Variants in DNAJA4 observed in about 807,000 individuals in gnomAD.
DNAJA4 encodes the protein DnaJ heat shock protein family (Hsp40) member A4.
Under a neutral mutation model 39.7 loss-of-function variants are expected in DNAJA4, and 32 were observed. That is an observed-to-expected ratio of 0.81 (90% CI 0.61 to 1.08). The LOEUF (loss-of-function observed/expected upper bound fraction) is 1.08. Among genes scored for constraint, DNAJA4 ranks in the 50% least tolerant of loss-of-function variants. The pLI is 0.00. For missense variants in DNAJA4, 439 were observed against 505.1 expected (o/e 0.87, Z 1.25); for synonymous variants, 184 against 182.4 (o/e 1.01, Z -0.07).
intron 4 of DNAJA4, 192 bp from the exon 5 acceptor site, chr15:78,275,306 A>T (rs2049421241): frequency 1.7e-6 from 1 of 579,860 alleles, no homozygotes; most frequent in African/African-American, 1.9e-5. Flanking sequence ...TTGGCCCCAC[A>T]TTATGCCAAG....
intron 1 of DNAJA4, among the ~76,000 whole-genome samples, chr15:78,268,788 C>A (rs1229819159): frequency 6.6e-6 from 1 of 152,192 alleles, no homozygotes; most frequent in African/African-American, 2.4e-5. Context: ...CAGCAGTGGA[C>A]AAAACCCCCC....
At chr15:78,264,522 G>A, upstream of DNAJA4, 2 of 1,235,028 alleles carry the variant, frequency 1.6e-6, no homozygotes, top group Non-Finnish European at 2.0e-6. Flanking sequence ...AGCTTCCGCC[G>A]GCGCCGAATA....
At position 78,273,131 on chromosome 15, in the gene DNAJA4, A is replaced by G; in HGVS notation, c.350A>G (p.Glu117Gly). Residue 117 changes from glutamate (E) to glycine (G), a missense_variant, in exon 3 of 7, where the codon GAA (glutamate) becomes GGA (glycine). Physicochemically the swap from Glu to Gly is moderately conservative, Grantham distance 98. Coordinates refer to ENST00000394852, the MANE Select transcript of DNAJA4 (RefSeq NM_001130182.2). The stretch of plus-strand genomic sequence containing the variant: ...GTACACCAGTTATCTGTAACTCTTG[A>G]AGATCTATATAATGGAGTCACGAAG... ...NVVHQLSVTL[E>G]DLYNGVTKKL... is the part of the protein sequence containing the mutation. 1 of 1,605,470 alleles carries G rather than the reference A, an allele frequency of 6.2e-7. No homozygotes were observed. Among genetic ancestry groups the G allele is most frequent in the Non-Finnish European group, 8.5e-7 (1 of 1,173,420 alleles).
chr15:78,266,705 T>C (rs2049132774), intron 1 of DNAJA4, among the ~76,000 whole-genome samples: 1 of 152,228 alleles, frequency 6.6e-6, no homozygotes, highest in African/African-American at 2.4e-5. Flanking sequence ...GATTACTTGT[T>C]TGATTAACTG....
chr15:78,273,981 A>C (rs897706236), intron 3 of DNAJA4, among the ~76,000 whole-genome samples: 2 of 152,224 alleles, frequency 1.3e-5, no homozygotes, highest in African/African-American at 2.4e-5. Context: ...TGGTGCAGCC[A>C]AAATCACAAA....
intron 5 of DNAJA4, chr15:78,277,998 T>C (rs1158702229): frequency 4.4e-6 from 2 of 454,992 alleles, no homozygotes; most frequent in African/African-American, 2.0e-5. Flanking sequence ...GGCTTATTTC[T>C]TGTTTCTCCA....
In DNAJA4 at chr15:78,280,607, C is replaced by CT; in HGVS notation, c.*151dup. On this transcript the variant is annotated 3_prime_UTR_variant, in exon 7 of 7. Transcript: ENST00000394852. ...TCTTAATTGCTGAGTGTCTTTTTGG[C>CT]TTTTCTTTTGGTTGTAACTTAAGTT... is the stretch of plus-strand genomic sequence containing the variant. 1 of 673,640 alleles carries CT rather than the reference C, an allele frequency of 1.5e-6. No homozygotes were observed. Among genetic ancestry groups the CT allele is most frequent in the South Asian group, 2.3e-5 (1 of 44,286 alleles). 41.7% of individuals were successfully genotyped at this position (673,640 alleles called of 1,614,324 possible).
At chr15:78,275,872 G>T in intron 5 of DNAJA4, 144 bp downstream of exon 5, 1 of 635,322 alleles carries the variant, frequency 1.6e-6, no homozygotes, top group African/African-American at 1.8e-5. Context: ...CATAAAATGG[G>T]TAATGATCAA....
intron 2 of DNAJA4, among the ~76,000 whole-genome samples, chr15:78,271,419 C>T (rs566082769): frequency 6.6e-6 from 1 of 152,272 alleles, no homozygotes; most frequent in Non-Finnish European, 1.5e-5. Flanking sequence ...GCGTGGGCTG[C>T]AGGCTCTCTA....
At chr15:78,278,674 C>T (rs1228695770) in intron 5 of DNAJA4, among the ~76,000 whole-genome samples, 3 of 151,636 alleles carry the variant, frequency 2.0e-5, no homozygotes, top group Non-Finnish European at 2.9e-5. Flanking sequence ...TTTTTTGAGA[C>T]GGAGTCTCGC....
chr15:78,265,280 T>C (rs2049090383), intron 1 of DNAJA4, among the ~76,000 whole-genome samples: 1 of 152,218 alleles, frequency 6.6e-6, no homozygotes, highest in Admixed American at 6.5e-5. Context: ...ACACAAACAG[T>C]TGTTTACTTG....
chr15:78,274,028 G>C (rs1057428496), intron 3 of DNAJA4, among the ~76,000 whole-genome samples, 169 bp from the exon 4 acceptor site: 1 of 152,224 alleles, frequency 6.6e-6, no homozygotes, highest in Non-Finnish European at 1.5e-5. Flanking sequence ...GATGTTGTCT[G>C]CTTGGCTGGA....
chr15:78,278,269 G>A (rs923648475), intron 5 of DNAJA4: 5 of 455,964 alleles, frequency 1.1e-5, no homozygotes, highest in African/African-American at 1.0e-4. Context: ...AGAAGCATGG[G>A]GAGTAGGGCT....
At position 78,279,569 on chromosome 15, in the gene DNAJA4, G is replaced by A. The variant is rs2049592712; in HGVS notation, c.878-476G>A. 2 of 164,528 alleles carry A rather than the reference G, an allele frequency of 1.2e-5. No individual in the cohort carries two copies. The highest frequency in any genetic ancestry group is 3.5e-4 in the East Asian group (2 of 5,756). The allele number at this position is 164,528 out of a possible 1,614,324, so 10.2% of individuals were successfully genotyped here. A position where few individuals can be genotyped will look rare whatever the true frequency, so the allele number is the denominator to read the frequency against. On this transcript the variant is annotated intron_variant, in intron 5 of 6. Transcript: ENST00000394852. This position sits in a 1 kb window ranked among gnomAD's most constrained non-coding sequence, Gnocchi z 4.5. Reference sequence around the variant, plus strand: ...AGTGAGCTCCCTACCAAGGAACCTGGGTGTCACCTGCAGGTGGCCAAGAGC... The same window carrying A: ...AGTGAGCTCCCTACCAAGGAACCTGAGTGTCACCTGCAGGTGGCCAAGAGC...
upstream of DNAJA4, chr15:78,264,320 CG>C (rs1490839248): frequency 2.8e-6 from 4 of 1,405,598 alleles, no homozygotes; most frequent in South Asian, 1.5e-5. Context: ...CGCCATGGCC[CG>C]GGGCGGCAGT....
chr15:78,281,746 T>C lies in DNAJA4; in HGVS notation c.*1286T>C, dbSNP rs2141477270. 6.6e-6 allele frequency: 1 copy of C among 152,344 alleles called. No individual in the cohort carries two copies. Among genetic ancestry groups the C allele is most frequent in the South Asian group, 2.1e-4 (1 of 4,830 alleles). 9.4% of individuals were successfully genotyped at this position (152,344 alleles called of 1,614,324 possible). A position where few individuals can be genotyped will look rare whatever the true frequency, so the allele number is the denominator to read the frequency against. ...CTGTCAGATCTACCCTACCCTTATT[T>C]GGTTACATGGCACCTGAGAGTTTCA... On this transcript the variant is annotated 3_prime_UTR_variant, in exon 7 of 7. Coordinates refer to ENST00000394852, the MANE Select transcript of DNAJA4 (RefSeq NM_001130182.2).
chr15:78,269,076 T>C (rs2049224425), intron 1 of DNAJA4, among the ~76,000 whole-genome samples: 1 of 152,190 alleles, frequency 6.6e-6, no homozygotes, highest in African/African-American at 2.4e-5. Context: ...GGGAGCCTGC[T>C]GAAACTGGCA....
intron 5 of DNAJA4, 63 bp downstream of exon 5, chr15:78,275,791 T>G: frequency 8.4e-7 from 1 of 1,187,442 alleles, no homozygotes; most frequent in Non-Finnish European, 1.2e-6. Context: ...TTCTGGCAAG[T>G]TAGCCTGATT....
intron 1 of DNAJA4, among the ~76,000 whole-genome samples, chr15:78,268,722 A>G (rs1171684909): frequency 6.6e-6 from 1 of 152,210 alleles, no homozygotes; most frequent in Non-Finnish European, 1.5e-5. Flanking sequence ...CATTCATCTA[A>G]CAGGTATTTA....
Sources: allele counts gnomAD v4.1 joint callset (sites outside exome capture counted in the v4.1 genomes callset), GRCh38; gene constraint gnomAD v4.1.1; non-coding constraint Gnocchi (gnomAD v3.1); transcripts MANE v1.5; gene names NCBI Gene and HGNC (gene_info 2026-07-23, HGNC 2026-07-21).